Variants in ANKIB1 observed in about 807,000 individuals in gnomAD.
ANKIB1 encodes the protein ankyrin repeat and IBR domain containing 1, also known as ankyrin repeat and IBR domain-containing protein 1.
In ANKIB1, 43 loss-of-function variants were observed where a neutral mutation model predicts 122.1. The observed-to-expected ratio is 0.35, with a 90% CI of 0.28 to 0.45. ANKIB1 has a LOEUF of 0.45. Among genes scored for constraint, ANKIB1 ranks in the 20% least tolerant of loss-of-function variants. ANKIB1 has a pLI of 1.00. For missense variants in ANKIB1, 992 were observed against 1,329.5 expected (o/e 0.75, Z 3.95); for synonymous variants, 390 against 442.0 (o/e 0.88, Z 1.48).
At chr7:92,304,855 G>A (rs1802526300) in intron 2 of ANKIB1, among the ~76,000 whole-genome samples, 1 of 151,922 alleles carries the variant, frequency 6.6e-6, no homozygotes, top group Non-Finnish European at 1.5e-5. Context: ...CATTATGGCT[G>A]TATAAAAAAA....
intron 14 of ANKIB1, 34 bp downstream of exon 14, chr7:92,388,075 T>C (rs1309295463): frequency 2.6e-6 from 4 of 1,516,194 alleles, no homozygotes; most frequent in East Asian, 2.5e-5. Context: ...ATAATTAATA[T>C]AAAATATCTT....
At chr7:92,388,152 C>A in intron 14 of ANKIB1, 111 bp downstream of exon 14, 1 of 1,057,648 alleles carries the variant, frequency 9.5e-7, no homozygotes. Flanking sequence ...TTAGCTTGTT[C>A]TGGTACTGTT....
chr7:92,332,805 C>G (rs924332352), intron 5 of ANKIB1, among the ~76,000 whole-genome samples: 1 of 152,124 alleles, frequency 6.6e-6, no homozygotes, highest in Non-Finnish European at 1.5e-5. Flanking sequence ...TACATTTCTC[C>G]CCCCTGGACT....
intron 11 of ANKIB1, among the ~76,000 whole-genome samples, chr7:92,376,688 A>G (rs2115659122): frequency 6.6e-6 from 1 of 152,158 alleles, no homozygotes; most frequent in African/African-American, 2.4e-5. Flanking sequence ...ACCTCAGGTA[A>G]TCCACCCTCC....
intron 17 of ANKIB1, among the ~76,000 whole-genome samples, chr7:92,394,444 A>G (rs778240914): frequency 6.6e-6 from 1 of 152,230 alleles, no homozygotes; most frequent in Non-Finnish European, 1.5e-5. Flanking sequence ...AGAGAATGCC[A>G]TCTGAGAGTT....
At position 92,398,877 on chromosome 7, in the gene ANKIB1, A is replaced by C. The variant is rs1369916632; in HGVS notation, c.3198A>C (p.Gly1066=). 5.6e-6 allele frequency: 9 copies of C among 1,605,124 alleles called. No individual in the cohort carries two copies. In the South Asian group the frequency reaches 1.0e-4, roughly 18 times the overall value. ...GTGGTAACGAGGCAGCCAACAGAGG[A>C]GATGGTTCAGATGTTTCAAGTCAAA... ...GDSGNEAANR[G]DGSDVSSQTP... The change falls in exon 20 of 20, where the codon GGA becomes GGC. Residue 1066 remains glycine, a synonymous_variant. Transcript: ENST00000265742.
intron 1 of ANKIB1, among the ~76,000 whole-genome samples, chr7:92,289,608 T>C (rs761391254): frequency 6.6e-6 from 1 of 152,174 alleles, no homozygotes; most frequent in Non-Finnish European, 1.5e-5. Flanking sequence ...AGCTTTTAAA[T>C]TTCCCACTCT....
chr7:92,250,596 C>T (rs1461864724), intron 1 of ANKIB1, among the ~76,000 whole-genome samples: 2 of 152,054 alleles, frequency 1.3e-5, no homozygotes, highest in Admixed American at 6.6e-5. Context: ...GTGTATTCTC[C>T]AGGAAGGGTA....
In ANKIB1 at chr7:92,246,346, C is replaced by T. The variant is rs1025480561; in HGVS notation, c.-264C>T. The stretch of plus-strand genomic sequence containing the variant: ...CGCCAGTGCGCACCCTCGGCCACAT[C>T]AGCCTCCGCCTGGCGGGTGCACCCG... On this transcript the variant is annotated 5_prime_UTR_variant, in exon 1 of 20. Coordinates refer to ENST00000265742, the MANE Select transcript of ANKIB1 (RefSeq NM_019004.2). 8.9e-6 allele frequency: 4 copies of T among 447,908 alleles called. No individual in the cohort carries two copies. The allele number at this position is 447,908 out of a possible 1,614,324, so 27.7% of individuals were successfully genotyped here.
intron 7 of ANKIB1, among the ~76,000 whole-genome samples, chr7:92,346,988 A>C (rs915899617): frequency 6.6e-6 from 1 of 152,232 alleles, no homozygotes. Context: ...CAATAAAAGA[A>C]GTTCCATGTT....
intron 11 of ANKIB1, among the ~76,000 whole-genome samples, chr7:92,373,519 A>G (rs1464655011): frequency 6.6e-6 from 1 of 152,164 alleles, no homozygotes; most frequent in East Asian, 1.9e-4. Context: ...AGCTATGTAA[A>G]TGTAGTAGTT....
intron 4 of ANKIB1, among the ~76,000 whole-genome samples, chr7:92,324,194 T>A (rs1414499252): frequency 3.3e-5 from 5 of 152,208 alleles, no homozygotes; most frequent in South Asian, 4.1e-4. Context: ...ATTGTACACC[T>A]TAAAGTGGTT....
intron 2 of ANKIB1, among the ~76,000 whole-genome samples, chr7:92,307,146 T>A (rs1802577794): frequency 1.3e-5 from 2 of 152,200 alleles, no homozygotes; most frequent in Non-Finnish European, 2.9e-5. Flanking sequence ...ATAAAGATAT[T>A]TACATTTATT....
chr7:92,259,975 A>G (rs1414910899), intron 1 of ANKIB1, among the ~76,000 whole-genome samples: 1 of 152,144 alleles, frequency 6.6e-6, no homozygotes, highest in Non-Finnish European at 1.5e-5. Flanking sequence ...ATCACCTTGT[A>G]CTTGGATTAG....
chr7:92,399,016 T>C lies in ANKIB1; in HGVS notation c.*67T>C. The C allele has an allele frequency of 6.9e-7, 1 of 1,452,360 alleles. No homozygotes were observed. Among genetic ancestry groups the C allele is most frequent in the African/African-American group, 1.4e-5 (1 of 70,454 alleles). 90.0% of individuals were successfully genotyped at this position (1,452,360 alleles called of 1,614,324 possible). ...GGTATGCTAGGTGGAGTATGCTTGA[T>C]AGAGACTTTGATTCACTTAATTCCA... is the stretch of plus-strand genomic sequence containing the variant. On this transcript the variant is annotated 3_prime_UTR_variant, in exon 20 of 20. Transcript: ENST00000265742.
chr7:92,346,979 A>C (rs1803554934), intron 7 of ANKIB1, among the ~76,000 whole-genome samples: 2 of 152,228 alleles, frequency 1.3e-5, no homozygotes, highest in Admixed American at 1.3e-4. Context: ...ATCAAGCACC[A>C]ATAAAAGAAG....
chr7:92,278,975 C>G (rs11972158), intron 1 of ANKIB1, among the ~76,000 whole-genome samples: 35 of 152,296 alleles, frequency 2.3e-4, no homozygotes, highest in African/African-American at 7.7e-4. Flanking sequence ...GGTCCCCAAC[C>G]TTTTTGGTAC....
chr7:92,389,507 A>T (rs1804738134), intron 14 of ANKIB1, among the ~76,000 whole-genome samples: 1 of 152,040 alleles, frequency 6.6e-6, no homozygotes, highest in Admixed American at 6.6e-5. Context: ...GTTTGCCAGA[A>T]TGTTGTATCT....
intron 3 of ANKIB1, among the ~76,000 whole-genome samples, chr7:92,314,860 A>G (rs906066963): frequency 1.3e-5 from 2 of 152,208 alleles, no homozygotes; most frequent in Non-Finnish European, 2.9e-5. Flanking sequence ...GAGTTAGAAG[A>G]TTAATGCGCT....
Sources: allele counts gnomAD v4.1 joint callset (sites outside exome capture counted in the v4.1 genomes callset), GRCh38; gene constraint gnomAD v4.1.1; transcripts MANE v1.5; gene names NCBI Gene and HGNC (gene_info 2026-07-23, HGNC 2026-07-21).